Variants in CENPO observed in about 807,000 individuals in gnomAD.
CENPO encodes the protein centromeric protein O.
A neutral mutation model predicts 36.1 loss-of-function variants in CENPO; 30 were observed. The ratio of observed to expected loss-of-function variants is 0.83; its 90% CI spans 0.62 to 1.13. The LOEUF is 1.13. Among genes scored for constraint, CENPO ranks in the 50% most tolerant of loss-of-function variants. The probability of loss-of-function intolerance (pLI) is 0.00; values close to 1 mark genes in which losing one functional copy is unlikely to be tolerated. For synonymous variants in CENPO, 171 were observed against 142.3 expected (o/e 1.20, Z -1.44); for missense variants, 349 against 357.8 (o/e 0.98, Z 0.20).
chr2:24,810,875 C>T (rs1430920203), intron 3 of CENPO, among the ~76,000 whole-genome samples: 1 of 152,110 alleles, frequency 6.6e-6, no homozygotes, highest in Non-Finnish European at 1.5e-5. Context: ...AGGTATTCTT[C>T]TTGTAAATAG....
At chr2:24,807,380 A>G (rs928966996) in intron 3 of CENPO, among the ~76,000 whole-genome samples, 1 of 152,186 alleles carries the variant, frequency 6.6e-6, no homozygotes, top group African/African-American at 2.4e-5. Context: ...AAGCTAATTT[A>G]TAGCTTAAAA....
intron 3 of CENPO, among the ~76,000 whole-genome samples, chr2:24,802,476 G>A (rs955864013): frequency 6.6e-6 from 1 of 152,118 alleles, no homozygotes. Context: ...GTCATAGATA[G>A]CTCTTATTAT....
intron 4 of CENPO, chr2:24,814,785 G>A (rs1431292177): frequency 6.6e-6 from 2 of 302,344 alleles, no homozygotes; most frequent in African/African-American, 2.1e-5. Flanking sequence ...TACTAGAACT[G>A]TCTTTACTGC....
Position 24,821,798 on chromosome 2 carries a change from T to A in CENPO, c.*2480T>A. 9.2e-7 allele frequency: 1 copy of A among 1,091,888 alleles called. No homozygotes were observed. Among genetic ancestry groups the A allele is most frequent in the Non-Finnish European group, 1.3e-6 (1 of 775,406 alleles). The allele number at this position is 1,091,888 out of a possible 1,614,324, so 67.6% of individuals were successfully genotyped here. A position where few individuals can be genotyped will look rare whatever the true frequency, so the allele number is the denominator to read the frequency against. Reference sequence around the variant, plus strand: ...AAAGGAGTCGCAGCCACGCTAGCTCTGACTTGCCACTGTGACAAAGTTCAC... The same window carrying A: ...AAAGGAGTCGCAGCCACGCTAGCTCAGACTTGCCACTGTGACAAAGTTCAC... On this transcript the variant is annotated 3_prime_UTR_variant, in exon 8 of 8. Transcript: ENST00000380834.
chr2:24,815,884 G>T, intron 5 of CENPO, 128 bp downstream of exon 5: 1 of 846,116 alleles, frequency 1.2e-6, no homozygotes. Flanking sequence ...TCCGATGCTT[G>T]TTTCTTATTT....
At chr2:24,798,991 T>C (rs1344438556) in intron 2 of CENPO, among the ~76,000 whole-genome samples, 7 of 87,898 alleles carry the variant, frequency 8.0e-5, no homozygotes, top group Admixed American at 5.8e-4. Flanking sequence ...TTTTTTTTTT[T>C]TTTTTTTTTT....
chr2:24,794,213 T>C (rs1572716595), intron 2 of CENPO, among the ~76,000 whole-genome samples: 1 of 152,242 alleles, frequency 6.6e-6, no homozygotes, highest in Admixed American at 6.5e-5. Flanking sequence ...AGTGTTTATA[T>C]TCTGAACTGC....
At chr2:24,808,352 G>GC (rs1330690811) in intron 3 of CENPO, among the ~76,000 whole-genome samples, 1 of 152,072 alleles carries the variant, frequency 6.6e-6, no homozygotes, top group Non-Finnish European at 1.5e-5. Flanking sequence ...GGGATTACAG[G>GC]CATGCGCCCA....
At chr2:24,816,181 T>G (rs1052369019) in intron 5 of CENPO, 1 of 189,260 alleles carries the variant, frequency 5.3e-6, no homozygotes, top group African/African-American at 2.4e-5. Flanking sequence ...AACTCTAGCC[T>G]ACCTTTTTGG....
Position 24,815,630 on chromosome 2 carries a change from A to G in CENPO, c.468A>G (p.Pro156=), listed in dbSNP as rs201226760. ...KPLRIHHHSV[P]VFIPLEEIAA... is the part of the protein sequence containing the mutation. ...TCCGGATACATCACCATTCAGTCCC[A>G]GTCTTCATTCCCCTGGAAGAGATAG... Residue 156 remains proline, a synonymous_variant, in exon 5 of 8, where the codon CCA becomes CCG. Coordinates refer to ENST00000380834, the MANE Select transcript of CENPO (RefSeq NM_001322101.2). 1.9e-6 allele frequency: 3 copies of G among 1,614,202 alleles called. No homozygotes were observed. Among genetic ancestry groups the G allele is most frequent in the Middle Eastern group, 3.3e-4 (2 of 6,062 alleles).
intron 3 of CENPO, among the ~76,000 whole-genome samples, chr2:24,813,568 C>T (rs568103806): frequency 6.6e-6 from 1 of 152,274 alleles, no homozygotes; most frequent in South Asian, 2.1e-4. Context: ...TCTCAGTCCC[C>T]AGTCACACCT....
intron 2 of CENPO, among the ~76,000 whole-genome samples, chr2:24,795,411 C>G (rs1227025625): frequency 2.6e-5 from 4 of 152,094 alleles, no homozygotes; most frequent in Admixed American, 2.6e-4. Context: ...AGCTGACTGG[C>G]TAGGATGAGA....
At position 24,820,251 on chromosome 2, in the gene CENPO, G is replaced by C. The variant is rs1002702920; in HGVS notation, c.*933G>C. 3 of 1,204,964 alleles carry C rather than the reference G, an allele frequency of 2.5e-6. No homozygotes were observed. The highest frequency in any genetic ancestry group is 3.1e-5 in the African/African-American group (2 of 63,806). 74.6% of individuals were successfully genotyped at this position (1,204,964 alleles called of 1,614,324 possible). ...TACGGGACACTCCCCAAACCTCCCA[G>C]GGCCAAGCCCTTCCACCCGTGGCGA... On this transcript the variant is annotated 3_prime_UTR_variant, in exon 8 of 8. Transcript: ENST00000380834.
Position 24,799,698 on chromosome 2 carries a change from C to G in CENPO, c.70C>G (p.Leu24Val). 6.2e-7 allele frequency: 1 copy of G among 1,613,782 alleles called. No individual in the cohort carries two copies. The highest frequency in any genetic ancestry group is 8.5e-7 in the Non-Finnish European group (1 of 1,179,926). The change falls in exon 3 of 8, where the codon CTA (leucine) becomes GTA (valine). Residue 24 changes from leucine (L) to valine (V), a missense_variant. By Grantham distance (32) the Leu-to-Val change is conservative. Coordinates refer to ENST00000380834, the MANE Select transcript of CENPO (RefSeq NM_001322101.2). ...AGGTGTTTTAGCTCACTTGGAAAGG[C>G]TAGAGACCCAAGTGAGCAGATCCCG... ...KGGVLAHLER[L>V]ETQVSRSRKQ...
rs1667413880 is a variant in CENPO at position 24,820,355 on chromosome 2, C to T, written c.*1037C>T. On this transcript the variant is annotated 3_prime_UTR_variant, in exon 8 of 8. Coordinates refer to ENST00000380834, the MANE Select transcript of CENPO (RefSeq NM_001322101.2). ...CCAGAGACTTCTCTCCTAGGATGGC[C>T]ATGGTCACCTGGGTGGCAGCACTGT... is the stretch of plus-strand genomic sequence containing the variant. The T allele has an allele frequency of 3.0e-6, 4 of 1,329,158 alleles. No homozygotes were observed. Among genetic ancestry groups the T allele is most frequent in the Non-Finnish European group, 3.8e-6 (4 of 1,044,684 alleles). The allele number at this position is 1,329,158 out of a possible 1,614,324, so 82.3% of individuals were successfully genotyped here. A position where few individuals can be genotyped will look rare whatever the true frequency, so the allele number is the denominator to read the frequency against.
intron 3 of CENPO, among the ~76,000 whole-genome samples, chr2:24,803,413 G>A (rs1666243328): frequency 6.6e-6 from 1 of 151,728 alleles, no homozygotes; most frequent in Non-Finnish European, 1.5e-5. Flanking sequence ...TCTTTTAATT[G>A]TGATGTTAGG....
intron 3 of CENPO, among the ~76,000 whole-genome samples, chr2:24,807,900 T>C (rs1022869745): frequency 2.6e-5 from 4 of 152,268 alleles, no homozygotes; most frequent in Admixed American, 2.6e-4. Context: ...AATCCCTGTA[T>C]TGAACATTTG....
At position 24,820,194 on chromosome 2, in the gene CENPO, G is replaced by T; in HGVS notation, c.*876G>T. 7.7e-7 allele frequency: 1 copy of T among 1,303,306 alleles called. No individual in the cohort carries two copies. Among genetic ancestry groups the T allele is most frequent in the Non-Finnish European group, 1.0e-6 (1 of 961,708 alleles). 80.7% of individuals were successfully genotyped at this position (1,303,306 alleles called of 1,614,324 possible). On this transcript the variant is annotated 3_prime_UTR_variant, in exon 8 of 8. Transcript: ENST00000380834. ...GGCGGGTGGGGGCTTTGGGTGGTTG[G>T]AGCCGAGCACTGATCCATGGGTCCC...
At chr2:24,807,403 T>C (rs1666468232) in intron 3 of CENPO, among the ~76,000 whole-genome samples, 1 of 152,238 alleles carries the variant, frequency 6.6e-6, no homozygotes, top group African/African-American at 2.4e-5. Context: ...TACAAACTCT[T>C]ATGTCTGGCT....
Sources: gnomAD v4.1 joint callset for allele counts (sites outside exome capture counted in the v4.1 genomes callset) on GRCh38, gnomAD v4.1.1 for gene constraint, MANE v1.5 for transcripts, NCBI Gene and HGNC (gene_info 2026-07-23, HGNC 2026-07-21) for gene names.